The following OXR1 variants were observed in gnomAD, a reference collection of about 807,000 sequenced individuals.
OXR1 encodes the protein oxidation resistance protein 1.
A neutral mutation model predicts 104.6 loss-of-function variants in OXR1; 41 were observed. That is an observed-to-expected ratio of 0.39 (90% CI 0.31 to 0.51). The LOEUF (loss-of-function observed/expected upper bound fraction) is 0.51. OXR1 is among the 20% of genes least tolerant of loss of function. The pLI is 0.77. For synonymous variants in OXR1, 348 were observed against 348.4 expected, an observed-to-expected ratio of 1.00 and a Z score of 0.01; for missense variants, 955 against 1,031.9, an observed-to-expected ratio of 0.93 and a Z score of 1.02.
intron 2 of OXR1, among the ~76,000 whole-genome samples, chr8:106,409,043 C>G (rs1479315710): frequency 3.3e-5 from 5 of 152,122 alleles, no homozygotes; most frequent in African/African-American, 9.7e-5. Flanking sequence ...TGCCTTCTGC[C>G]TTAGAGTTAT....
At chr8:106,319,555 A>C (rs1814123842) in intron 1 of OXR1, among the ~76,000 whole-genome samples, 2 of 152,220 alleles carry the variant, frequency 1.3e-5, no homozygotes, top group African/African-American at 4.8e-5. Context: ...GGAATTTTAA[A>C]AGCCCTTTTT....
intron 6 of OXR1, among the ~76,000 whole-genome samples, chr8:106,687,148 C>T (rs1247935506): frequency 6.6e-6 from 1 of 152,082 alleles, no homozygotes; most frequent in Non-Finnish European, 1.5e-5. Flanking sequence ...CTTTCTGGAG[C>T]AGTTGCAGAA....
intron 1 of OXR1, among the ~76,000 whole-genome samples, chr8:106,304,385 G>A (rs1171574480): frequency 6.6e-6 from 1 of 152,098 alleles, no homozygotes; most frequent in Non-Finnish European, 1.5e-5. Flanking sequence ...ATATCATTGT[G>A]CATTTTAATT....
intron 4 of OXR1, among the ~76,000 whole-genome samples, chr8:106,681,894 A>G (rs993881701): frequency 2.0e-5 from 3 of 152,168 alleles, no homozygotes; most frequent in African/African-American, 7.2e-5. Flanking sequence ...TTTGTGCTTC[A>G]TGAGTCTACT....
At chr8:106,320,564 A>G (rs896951775) in intron 1 of OXR1, among the ~76,000 whole-genome samples, 1 of 152,154 alleles carries the variant, frequency 6.6e-6, no homozygotes, top group African/African-American at 2.4e-5. Flanking sequence ...TTTACTGAGC[A>G]TATTCCTCTT....
At chr8:106,383,438 G>C (rs1029292396) in intron 2 of OXR1, among the ~76,000 whole-genome samples, 1 of 152,076 alleles carries the variant, frequency 6.6e-6, no homozygotes, top group Non-Finnish European at 1.5e-5. Context: ...ATGAAGCATC[G>C]CCTGTAAGCC....
At chr8:106,318,889 G>T (rs1814095956) in intron 1 of OXR1, among the ~76,000 whole-genome samples, 1 of 152,202 alleles carries the variant, frequency 6.6e-6, no homozygotes, top group Non-Finnish European at 1.5e-5. Flanking sequence ...ATCTCCAGAT[G>T]TTAAAAGTCA....
At chr8:106,553,114 T>A (rs1047374458) in intron 3 of OXR1, among the ~76,000 whole-genome samples, 3 of 152,038 alleles carry the variant, frequency 2.0e-5, no homozygotes, top group South Asian at 4.2e-4. Flanking sequence ...AAATGATGAG[T>A]TAATGGGTGC....
intron 2 of OXR1, among the ~76,000 whole-genome samples, chr8:106,452,546 G>A (rs1014373283): frequency 6.6e-6 from 1 of 152,012 alleles, no homozygotes; most frequent in African/African-American, 2.4e-5. Context: ...TTTTCTTTCT[G>A]TTACGTCAAA....
At chr8:106,377,403 C>G (rs1816953122) in intron 2 of OXR1, among the ~76,000 whole-genome samples, 1 of 152,058 alleles carries the variant, frequency 6.6e-6, no homozygotes, top group Admixed American at 6.6e-5. Context: ...CCAGGCTGAT[C>G]CCAAACTCCT....
At chr8:106,323,358 AC>A (rs1406075952) in intron 1 of OXR1, among the ~76,000 whole-genome samples, 1 of 152,158 alleles carries the variant, frequency 6.6e-6, no homozygotes, top group Non-Finnish European at 1.5e-5. Flanking sequence ...TACACCATAT[AC>A]AAAAGTCAAT....
intron 2 of OXR1, among the ~76,000 whole-genome samples, chr8:106,380,257 A>G (rs60550958): frequency 6.7e-6 from 1 of 149,858 alleles, no homozygotes; most frequent in Non-Finnish European, 1.5e-5. Flanking sequence ...TCCCCTTAAC[A>G]TAATGTTTTC....
In OXR1 at chr8:106,480,880, C is replaced by G. The variant is rs117674134; in HGVS notation, c.24-38063C>G. Among the ~76,000 whole-genome samples, 922 of 151,854 alleles carry G rather than the reference C, an allele frequency of 6.1e-3. 5 individuals carry two copies. Among genetic ancestry groups the G allele is most frequent in the Admixed American group, 0.012 (184 of 15,210 alleles). ...AGACCAATAAAATGTCATATGAATC[C>G]AAGGAAGAGAATGATTGAATACTTC... On this transcript the variant is annotated intron_variant, in intron 2 of 16. Coordinates refer to ENST00000517566, the MANE Select transcript of OXR1 (RefSeq NM_001198533.2).
intron 11 of OXR1, among the ~76,000 whole-genome samples, chr8:106,731,303 A>AT (rs2131524233): frequency 6.6e-6 from 1 of 152,262 alleles, no homozygotes; most frequent in Non-Finnish European, 1.5e-5. Flanking sequence ...TCCTTCATAT[A>AT]TTTTGGATAA....
At chr8:106,546,097 T>C (rs1048113370) in intron 3 of OXR1, among the ~76,000 whole-genome samples, 5 of 152,222 alleles carry the variant, frequency 3.3e-5, no homozygotes. Flanking sequence ...AAATGTTGAC[T>C]GTCACGTGTC....
At chr8:106,718,562 G>C (rs1028131303) in intron 11 of OXR1, among the ~76,000 whole-genome samples, 1 of 151,798 alleles carries the variant, frequency 6.6e-6, no homozygotes, top group Non-Finnish European at 1.5e-5. Context: ...GGTGTGGGTC[G>C]GGCGTGGTGG....
At chr8:106,366,700 G>T (rs1240385627) in intron 2 of OXR1, among the ~76,000 whole-genome samples, 1 of 152,140 alleles carries the variant, frequency 6.6e-6, no homozygotes, top group East Asian at 1.9e-4. Context: ...TCAGTGGTAA[G>T]TTCATGTTGA....
At chr8:106,711,235 A>G (rs1234407459) in intron 10 of OXR1, among the ~76,000 whole-genome samples, 1 of 148,396 alleles carries the variant, frequency 6.7e-6, no homozygotes, top group Admixed American at 6.8e-5. Flanking sequence ...GCACAATTAG[A>G]TTTTTCATCA....
At chr8:106,385,044 T>C (rs938379200) in intron 2 of OXR1, among the ~76,000 whole-genome samples, 1 of 152,196 alleles carries the variant, frequency 6.6e-6, no homozygotes, top group Non-Finnish European at 1.5e-5. Context: ...TAAAATAATA[T>C]TAAAGAGCAT....
Sources: gnomAD v4.1 joint callset for allele counts (sites outside exome capture counted in the v4.1 genomes callset) on GRCh38, gnomAD v4.1.1 for gene constraint, MANE v1.5 for transcripts, NCBI Gene and HGNC (gene_info 2026-07-23, HGNC 2026-07-21) for gene names.